The following TSHR variants were observed in gnomAD, a reference collection of about 807,000 sequenced individuals.
TSHR encodes the protein thyroid stimulating hormone receptor, also known as thyrotropin receptor.
A neutral mutation model predicts 64.1 loss-of-function variants in TSHR; 51 were observed. The ratio of observed to expected loss-of-function variants is 0.80; its 90% CI spans 0.64 to 1.01. TSHR has a LOEUF of 1.01. Among genes scored for constraint, TSHR ranks in the 50% least tolerant of loss-of-function variants. The pLI, the probability that TSHR is intolerant of heterozygous loss-of-function variation, is 0.00. For synonymous variants in TSHR, 361 were observed against 361.9 expected, an observed-to-expected ratio of 1.00 and a Z score of 0.03; for missense variants, 877 against 942.8, an observed-to-expected ratio of 0.93 and a Z score of 0.91.
rs536065737 is a variant in TSHR at position 81,024,243 on chromosome 14, T to G, written c.171-37905T>G. Among the ~76,000 whole-genome samples, 7 of 152,118 alleles carry G rather than the reference T, an allele frequency of 4.6e-5. No homozygotes were observed. In the East Asian group the frequency reaches 1.2e-3, roughly 25 times the overall value. On this transcript the variant is annotated intron_variant, in intron 1 of 9. Transcript: ENST00000298171. ...TAATAGAGTATTTAGGCATGGTTTTTTTTTGTTTGTTTGTTTGTTTGTTTT... is the reference window on the plus strand; with the variant it reads ...TAATAGAGTATTTAGGCATGGTTTTGTTTTGTTTGTTTGTTTGTTTGTTTT...
chr14:81,091,569 A>G (rs958900569), intron 5 of TSHR, among the ~76,000 whole-genome samples: 1 of 152,340 alleles, frequency 6.6e-6, no homozygotes, highest in Non-Finnish European at 1.5e-5. Flanking sequence ...TTCTTTGCCA[A>G]TGGGAATGGT....
intron 2 of TSHR, among the ~76,000 whole-genome samples, chr14:81,066,681 G>A (rs549117433): frequency 2.0e-4 from 31 of 152,124 alleles, no homozygotes; most frequent in South Asian, 6.2e-4. Flanking sequence ...CATTAGAATT[G>A]GCTAAGAAGC....
At position 81,145,024 on chromosome 14, in the gene TSHR, C is replaced by G. The variant is rs1891875910; in HGVS notation, c.*671C>G. On this transcript the variant is annotated 3_prime_UTR_variant, in exon 10 of 10. Coordinates refer to ENST00000298171, the MANE Select transcript of TSHR (RefSeq NM_000369.5). The stretch of plus-strand genomic sequence containing the variant: ...ATTATGTGTTGCCTGGAAAAACTGG[C>G]AAGATTTCAGCTTATGTGGCCTAGC... 1 of 233,168 alleles carries G rather than the reference C, an allele frequency of 4.3e-6. No individual in the cohort carries two copies. Among genetic ancestry groups the G allele is most frequent in the Non-Finnish European group, 8.5e-6 (1 of 118,088 alleles). The allele number at this position is 233,168 out of a possible 1,614,324, so 14.4% of individuals were successfully genotyped here. A position where few individuals can be genotyped will look rare whatever the true frequency, so the allele number is the denominator to read the frequency against.
At position 81,143,369 on chromosome 14, in the gene TSHR, T is replaced by A. The variant is rs1446701255; in HGVS notation, c.1311T>A (p.Leu437=). 6.2e-7 allele frequency: 1 copy of A among 1,614,192 alleles called. No individual in the cohort carries two copies. The highest frequency in any genetic ancestry group is 8.5e-7 in the Non-Finnish European group (1 of 1,180,030). The change falls in exon 10 of 10, where the codon CTT becomes CTA. Residue 437 remains leucine (L), a synonymous_variant. Transcript: ENST00000298171. Reference sequence around the variant, plus strand: ...TCCTGGGCAATGTCTTTGTCCTGCTTATTCTCCTCACCAGCCACTACAAAC... The same window carrying A: ...TCCTGGGCAATGTCTTTGTCCTGCTAATTCTCCTCACCAGCCACTACAAAC... ...LALLGNVFVL[L]ILLTSHYKLN... is the part of the protein sequence containing the mutation.
intron 8 of TSHR, among the ~76,000 whole-genome samples, chr14:81,113,096 A>C (rs1365687021): frequency 2.0e-5 from 3 of 152,196 alleles, no homozygotes; most frequent in Non-Finnish European, 4.4e-5. Context: ...GTTGAAAATA[A>C]ACTGTAGGGA....
chr14:81,087,832 C>T (rs1488526874), intron 3 of TSHR, 122 bp from the exon 4 acceptor site: 2 of 800,842 alleles, frequency 2.5e-6, no homozygotes, highest in African/African-American at 3.4e-5. Flanking sequence ...CCTGGGGTAC[C>T]CTGTGGCGTA....
At chr14:81,017,110 A>AAT (rs1883453018) in intron 1 of TSHR, among the ~76,000 whole-genome samples, 1 of 152,226 alleles carries the variant, frequency 6.6e-6, no homozygotes, top group South Asian at 2.1e-4. Context: ...TTTTGCAATC[A>AAT]GACCTTGCAA....
chr14:81,067,380 A>C (rs2139906061), intron 2 of TSHR, among the ~76,000 whole-genome samples: 1 of 151,940 alleles, frequency 6.6e-6, no homozygotes. Context: ...AAACAGGCAC[A>C]GTTCTGCATT....
chr14:80,962,441 C>T (rs1192323320), intron 1 of TSHR, among the ~76,000 whole-genome samples: 1 of 152,210 alleles, frequency 6.6e-6, no homozygotes, highest in Non-Finnish European at 1.5e-5. Flanking sequence ...CTTTCTGGCT[C>T]TTCCTAGGGG....
chr14:80,961,848 T>C (rs944039185), intron 1 of TSHR, among the ~76,000 whole-genome samples: 1 of 152,252 alleles, frequency 6.6e-6, no homozygotes, highest in African/African-American at 2.4e-5. Context: ...ATTTCCCATA[T>C]AGTTTAATCA....
chr14:81,002,781 C>CTTTTTTTTTTTTTTT (rs1174635270), intron 1 of TSHR, among the ~76,000 whole-genome samples: 23 of 44,322 alleles, frequency 5.2e-4, no homozygotes, highest in African/African-American at 8.8e-4. Context: ...CCTAATGCCT[C>CTTTTTTTTTTTTTTT]TTTTTTTTTT....
At chr14:81,135,272 G>A (rs1891408550) in intron 8 of TSHR, among the ~76,000 whole-genome samples, 1 of 152,152 alleles carries the variant, frequency 6.6e-6, no homozygotes, top group South Asian at 2.1e-4. Context: ...TGGGGAGAGG[G>A]GAAATAGTCT....
intron 3 of TSHR, among the ~76,000 whole-genome samples, chr14:81,077,086 A>G (rs1402750588): frequency 6.6e-6 from 1 of 151,948 alleles, no homozygotes; most frequent in Non-Finnish European, 1.5e-5. Flanking sequence ...CCTAATTATG[A>G]CCTACACAGA....
chr14:81,097,328 ATTAT>A (rs1889272745), intron 7 of TSHR, among the ~76,000 whole-genome samples: 1 of 151,606 alleles, frequency 6.6e-6, no homozygotes, highest in South Asian at 2.1e-4. Flanking sequence ...TTGTAATTAT[ATTAT>A]TTGTTTCACT....
chr14:81,118,976 T>C (rs1427380308), intron 8 of TSHR, among the ~76,000 whole-genome samples: 1 of 142,998 alleles, frequency 7.0e-6, no homozygotes, highest in Non-Finnish European at 1.5e-5. Flanking sequence ...GCTAGCCATA[T>C]GTAGAAAGCT....
chr14:80,990,092 A>T (rs1888650596), intron 1 of TSHR, among the ~76,000 whole-genome samples: 1 of 152,260 alleles, frequency 6.6e-6, no homozygotes, highest in Non-Finnish European at 1.5e-5. Context: ...TGAAATGAAC[A>T]TTTAACGTAC....
chr14:81,010,740 C>T (rs1889860540), intron 1 of TSHR, among the ~76,000 whole-genome samples: 1 of 152,056 alleles, frequency 6.6e-6, no homozygotes, highest in Admixed American at 6.6e-5. Context: ...TCTTCTTAAC[C>T]TTAAAGACAA....
chr14:81,145,908 AG>A lies in TSHR; in HGVS notation c.*1556del. The A allele has an allele frequency of 4.3e-6, 1 of 232,558 alleles. No individual in the cohort carries two copies. Among genetic ancestry groups the A allele is most frequent in the Non-Finnish European group, 8.5e-6 (1 of 117,634 alleles). 14.4% of individuals were successfully genotyped at this position (232,558 alleles called of 1,614,324 possible). Reference sequence around the variant, plus strand: ...CTCATAAACCACACCATGAAATAAAAGCTCTTTGTTGTTTTAAGATTGTGAA... The same window carrying A: ...CTCATAAACCACACCATGAAATAAAACTCTTTGTTGTTTTAAGATTGTGAA... On this transcript the variant is annotated 3_prime_UTR_variant, in exon 10 of 10. Coordinates refer to ENST00000298171, the MANE Select transcript of TSHR (RefSeq NM_000369.5).
chr14:81,123,583 T>A (rs908759224), intron 8 of TSHR, among the ~76,000 whole-genome samples: 5 of 152,196 alleles, frequency 3.3e-5, no homozygotes, highest in African/African-American at 1.2e-4. Flanking sequence ...GTAAACTCCA[T>A]CTAAAGAAAA....
Sources: gnomAD v4.1 joint callset for allele counts (sites outside exome capture counted in the v4.1 genomes callset) on GRCh38, gnomAD v4.1.1 for gene constraint, MANE v1.5 for transcripts, NCBI Gene and HGNC (gene_info 2026-07-23, HGNC 2026-07-21) for gene names.